NRXN3: variants seen among roughly 807,000 people sequenced by gnomAD.
NRXN3 encodes the protein neurexin 3.
A neutral mutation model predicts 137.6 loss-of-function variants in NRXN3; 32 were observed. The observed-to-expected ratio is 0.23, with a 90% confidence interval of 0.18 to 0.31. NRXN3 has a LOEUF of 0.31. NRXN3 is among the 10% of genes least tolerant of loss of function. NRXN3 has a pLI of 1.00. For synonymous variants in NRXN3, 798 were observed against 784.5 expected (o/e 1.02, Z -0.29); for missense variants, 1,574 against 2,062.5 (o/e 0.76, Z 4.59).
chr14:79,430,247 C>G (rs2095726272), intron 15 of NRXN3, among the ~76,000 whole-genome samples: 1 of 152,178 alleles, frequency 6.6e-6, no homozygotes, highest in African/African-American at 2.4e-5. Context: ...GTGAAGCCTC[C>G]TTATATCTTG....
chr14:78,518,210 G>A (rs1212756633), intron 4 of NRXN3, among the ~76,000 whole-genome samples: 1 of 152,144 alleles, frequency 6.6e-6, no homozygotes, highest in African/African-American at 2.4e-5. Flanking sequence ...TAAAGTTCCG[G>A]TAGTATAGTA....
chr14:79,316,789 C>T (rs190540654), intron 15 of NRXN3, among the ~76,000 whole-genome samples: 17 of 148,960 alleles, frequency 1.1e-4, no homozygotes. Flanking sequence ...TGTAGTAGTC[C>T]ATTGTTTAGA....
chr14:78,545,990 A>G (rs2096633386), intron 4 of NRXN3, among the ~76,000 whole-genome samples: 1 of 152,164 alleles, frequency 6.6e-6, no homozygotes, highest in African/African-American at 2.4e-5. Context: ...GTAAATTATA[A>G]TTTTATTTCC....
chr14:79,776,622 G>T (rs1021336353), intron 19 of NRXN3, among the ~76,000 whole-genome samples: 1 of 152,174 alleles, frequency 6.6e-6, no homozygotes, highest in African/African-American at 2.4e-5. Flanking sequence ...AGAGGACTGA[G>T]CTCTCTATAG....
intron 4 of NRXN3, among the ~76,000 whole-genome samples, chr14:78,338,901 T>C (rs2081824342): frequency 6.6e-6 from 1 of 152,146 alleles, no homozygotes; most frequent in Admixed American, 6.6e-5. Context: ...TTCTGAGAGG[T>C]TGTGTGACTT....
intron 4 of NRXN3, among the ~76,000 whole-genome samples, chr14:78,324,899 T>A (rs1466047245): frequency 6.6e-6 from 1 of 151,858 alleles, no homozygotes; most frequent in African/African-American, 2.4e-5. Context: ...AGACCCAATT[T>A]GGCCATCATC....
chr14:79,208,232 T>A (rs1207659910), intron 15 of NRXN3, among the ~76,000 whole-genome samples: 2 of 152,200 alleles, frequency 1.3e-5, no homozygotes, highest in Non-Finnish European at 2.9e-5. Context: ...TGGTGGGGTT[T>A]CTTTCTTCTG....
intron 6 of NRXN3, among the ~76,000 whole-genome samples, chr14:78,677,363 A>G (rs963299470): frequency 6.6e-6 from 1 of 152,098 alleles, no homozygotes; most frequent in African/African-American, 2.4e-5. Context: ...CACAACCCTC[A>G]TGGATGACTT....
intron 4 of NRXN3, among the ~76,000 whole-genome samples, chr14:78,372,288 CTTTTCT>C (rs930697289): frequency 5.2e-5 from 7 of 135,068 alleles, no homozygotes; most frequent in African/African-American, 1.7e-4. Context: ...TTTTTCTTTT[CTTTTCT>C]TTTTTTTTTT....
At chr14:79,273,516 C>G (rs2079742574) in intron 15 of NRXN3, among the ~76,000 whole-genome samples, 1 of 151,830 alleles carries the variant, frequency 6.6e-6, no homozygotes, top group African/African-American at 2.4e-5. Context: ...CACCTGTAGT[C>G]CCAGCTACTT....
At chr14:79,329,634 G>A (rs188251868) in intron 15 of NRXN3, among the ~76,000 whole-genome samples, 154 of 152,266 alleles carry the variant, frequency 1.0e-3, no homozygotes, top group African/African-American at 3.6e-3. Flanking sequence ...CTGGTCTGTG[G>A]GCCATTGTTT....
chr14:79,337,993 GTC>G (rs1364400176), intron 15 of NRXN3, among the ~76,000 whole-genome samples: 3 of 152,024 alleles, frequency 2.0e-5, no homozygotes, highest in Non-Finnish European at 4.4e-5. Flanking sequence ...ACTCTGTCCT[GTC>G]CTGTCTATGC....
intron 6 of NRXN3, among the ~76,000 whole-genome samples, chr14:78,682,020 A>G (rs1457138087): frequency 6.6e-6 from 1 of 152,058 alleles, no homozygotes; most frequent in Non-Finnish European, 1.5e-5. Flanking sequence ...GGCGAGCGCC[A>G]CCATGCCCGG....
intron 16 of NRXN3, among the ~76,000 whole-genome samples, chr14:79,508,110 C>A (rs553054028): frequency 1.3e-5 from 2 of 152,060 alleles, no homozygotes; most frequent in African/African-American, 4.8e-5. Flanking sequence ...TGACCTTGAG[C>A]AAATCACTGA....
intron 15 of NRXN3, among the ~76,000 whole-genome samples, chr14:79,062,422 T>C (rs1437605057): frequency 6.6e-6 from 1 of 152,176 alleles, no homozygotes; most frequent in Non-Finnish European, 1.5e-5. Context: ...AGTTCACTCT[T>C]TTTCCAAATA....
intron 1 of NRXN3, among the ~76,000 whole-genome samples, chr14:78,225,597 T>G (rs975052249): frequency 6.6e-6 from 1 of 152,220 alleles, no homozygotes; most frequent in African/African-American, 2.4e-5. Flanking sequence ...AGAAACTCTT[T>G]AGTTTAATTA....
At chr14:78,598,021 C>T (rs2097171945) in intron 4 of NRXN3, among the ~76,000 whole-genome samples, 1 of 152,214 alleles carries the variant, frequency 6.6e-6, no homozygotes, top group South Asian at 2.1e-4. Flanking sequence ...CTTCACAGCT[C>T]TGGGCCACCT....
chr14:79,509,929 A>G (rs1201793490), intron 16 of NRXN3, among the ~76,000 whole-genome samples: 2 of 152,196 alleles, frequency 1.3e-5, no homozygotes, highest in Non-Finnish European at 2.9e-5. Context: ...AAAGAAGATC[A>G]TAGTTAAGGC....
chr14:78,890,728 TAA>T (rs772513676), intron 10 of NRXN3, among the ~76,000 whole-genome samples: 2 of 151,956 alleles, frequency 1.3e-5, no homozygotes, highest in Middle Eastern at 3.2e-3. Flanking sequence ...GGTGATAGAG[TAA>T]ATCAAGGAAT....
Sources: allele counts gnomAD v4.1 joint callset (sites outside exome capture counted in the v4.1 genomes callset), GRCh38; gene constraint gnomAD v4.1.1; transcripts MANE v1.5; gene names NCBI Gene and HGNC (gene_info 2026-07-23, HGNC 2026-07-21).